ANKRD36B: variants seen among roughly 807,000 people sequenced by gnomAD.
ANKRD36B encodes the protein ankyrin repeat domain 36B.
ANKRD36B carries 37 observed loss-of-function variants against 135.7 expected under a neutral mutation model. That is an observed-to-expected ratio of 0.27 (90% CI 0.21 to 0.36). ANKRD36B has a LOEUF of 0.36. ANKRD36B is among the 10% of genes least tolerant of loss of function. The pLI, the probability that ANKRD36B is intolerant of heterozygous loss-of-function variation, is 1.00. For missense variants in ANKRD36B, 549 were observed against 1,037.1 expected (o/e 0.53, Z 6.46); for synonymous variants, 179 against 348.1 (o/e 0.51, Z 5.41).
Position 97,544,479 on chromosome 2 carries a change from C to G in ANKRD36B, c.1682-494G>C, listed in dbSNP as rs1367932467. 5.3e-5 allele frequency among the ~76,000 whole-genome samples: 5 copies of G among 95,162 alleles called. 2 individuals are homozygous for G. Among genetic ancestry groups the G allele is most frequent in the African/African-American group, 1.6e-4 (5 of 32,034 alleles). The allele number at this position is 95,162 out of a possible 152,430, so 62.4% of individuals were successfully genotyped here. A position where few individuals can be genotyped will look rare whatever the true frequency, so the allele number is the denominator to read the frequency against. The stretch of plus-strand genomic sequence containing the variant: ...ACACTTCAGTTGAACGTACACTTCA[C>G]GTCTCTTCAGTGGAAGTGTCCTAAA... On this transcript the variant is annotated intron_variant, in intron 24 of 43. Coordinates refer to ENST00000359901, the MANE Select transcript of ANKRD36B (RefSeq NM_001393939.1).
At chr2:97,573,362 C>T (rs1380402105) in intron 6 of ANKRD36B, among the ~76,000 whole-genome samples, 1 of 152,040 alleles carries the variant, frequency 6.6e-6, no homozygotes, top group Non-Finnish European at 1.5e-5. Flanking sequence ...TGAATAGCTA[C>T]AAACCACTGC....
intron 20 of ANKRD36B, among the ~76,000 whole-genome samples, chr2:97,547,992 T>C (rs1301222586): frequency 6.6e-6 from 1 of 151,764 alleles, no homozygotes; most frequent in African/African-American, 2.4e-5. Flanking sequence ...ACCGTGTCAA[T>C]ATCAACGTGG....
chr2:97,529,497 A>G lies in ANKRD36B; in HGVS notation c.2265+2814T>C, dbSNP rs2078437267. Among the ~76,000 whole-genome samples the G allele has an allele frequency of 5.3e-5, 5 of 93,848 alleles. 1 individual carries two copies. The South Asian group carries it at 1.2e-3, about 23-fold the overall frequency. The allele number at this position is 93,848 out of a possible 152,430, so 61.6% of individuals were successfully genotyped here. A position where few individuals can be genotyped will look rare whatever the true frequency, so the allele number is the denominator to read the frequency against. On this transcript the variant is annotated intron_variant, in intron 35 of 43. Transcript: ENST00000359901. Reference sequence around the variant, plus strand: ...CATTCCCTTTGAAAACTGGCACAAGACAGGGATGCCCTCTCTCACCACTCC... The same window carrying G: ...CATTCCCTTTGAAAACTGGCACAAGGCAGGGATGCCCTCTCTCACCACTCC...
At chr2:97,566,150 A>G (rs2081411280) in intron 6 of ANKRD36B, among the ~76,000 whole-genome samples, 1 of 99,060 alleles carries the variant, frequency 1.0e-5, no homozygotes, top group African/African-American at 3.0e-5. Flanking sequence ...CCCCATCTCA[A>G]CAAAAATACA....
intron 6 of ANKRD36B, among the ~76,000 whole-genome samples, chr2:97,563,199 T>C (rs1221085157): frequency 1.3e-5 from 2 of 151,926 alleles, no homozygotes; most frequent in Non-Finnish European, 2.9e-5. Flanking sequence ...CAGTCTCTCC[T>C]TGATGCACCA....
chr2:97,556,808 A>G, intron 12 of ANKRD36B, 129 bp downstream of exon 12: 1 of 1,426,098 alleles, frequency 7.0e-7, no homozygotes, highest in Non-Finnish European at 9.5e-7. Context: ...AACTTACTAG[A>G]AATGCACAAT....
chr2:97,573,941 G>C (rs1478001236), intron 6 of ANKRD36B, among the ~76,000 whole-genome samples: 1 of 152,146 alleles, frequency 6.6e-6, no homozygotes, highest in African/African-American at 2.4e-5. Context: ...AACCCTAAAA[G>C]AAAACCTAGG....
At chr2:97,573,488 C>T (rs1216711050) in intron 6 of ANKRD36B, among the ~76,000 whole-genome samples, 1 of 152,188 alleles carries the variant, frequency 6.6e-6, no homozygotes, top group African/African-American at 2.4e-5. Flanking sequence ...GATTCAATGC[C>T]ATCCCCATCA....
At chr2:97,543,505 T>G (rs1264410664) in intron 26 of ANKRD36B, among the ~76,000 whole-genome samples, 1 of 98,672 alleles carries the variant, frequency 1.0e-5, no homozygotes, top group African/African-American at 3.0e-5. Context: ...GCTGTAGAAT[T>G]AAAGCAAAAT....
chr2:97,565,032 C>G (rs1363141457), intron 6 of ANKRD36B, among the ~76,000 whole-genome samples: 1 of 133,190 alleles, frequency 7.5e-6, no homozygotes, highest in African/African-American at 2.7e-5. Context: ...ATTTGTTTGT[C>G]TCTTATTTCC....
chr2:97,508,310 C>CA (rs2077401142), intron 40 of ANKRD36B, among the ~76,000 whole-genome samples: 2 of 78,702 alleles, frequency 2.5e-5, no homozygotes, highest in South Asian at 5.7e-4. Flanking sequence ...AATTGCAGGG[C>CA]CGAGTTATTG....
chr2:97,556,211 T>C (rs1185468064), intron 12 of ANKRD36B, among the ~76,000 whole-genome samples: 1 of 151,934 alleles, frequency 6.6e-6, no homozygotes, highest in Non-Finnish European at 1.5e-5. Context: ...AATATAGTCA[T>C]ATTAAATTTT....
chr2:97,588,627 T>G (rs1211215753), intron 1 of ANKRD36B, among the ~76,000 whole-genome samples: 4 of 150,552 alleles, frequency 2.7e-5, no homozygotes, highest in Non-Finnish European at 5.9e-5. Flanking sequence ...ATTTGGATTA[T>G]GTAAAATTTA....
intron 6 of ANKRD36B, among the ~76,000 whole-genome samples, chr2:97,567,462 T>A (rs995008792): frequency 6.6e-6 from 1 of 151,902 alleles, no homozygotes; most frequent in African/African-American, 2.4e-5. Context: ...CCTGAAGCCA[T>A]CTGGAGGCTG....
At chr2:97,567,132 G>A (rs2081496923) in intron 6 of ANKRD36B, among the ~76,000 whole-genome samples, 1 of 151,874 alleles carries the variant, frequency 6.6e-6, no homozygotes, top group Non-Finnish European at 1.5e-5. Context: ...GAATATTAAA[G>A]GATACAGATA....
intron 3 of ANKRD36B, among the ~76,000 whole-genome samples, chr2:97,582,283 CAA>C (rs1338934547): frequency 6.6e-6 from 1 of 151,934 alleles, no homozygotes; most frequent in Non-Finnish European, 1.5e-5. Context: ...CATCTAAATT[CAA>C]AAGTTCAACC....
At position 97,553,343 on chromosome 2, in the gene ANKRD36B, C is replaced by G; in HGVS notation, c.1200G>C (p.Lys400Asn). Residue 400 changes from lysine (K) to asparagine (N), a missense_variant and splice_region_variant, in exon 15 of 44, where the codon AAG becomes AAC. Physicochemically the swap from Lys to Asn is moderately conservative, Grantham distance 94 (BLOSUM62 0). Transcript: ENST00000359901. ...TVSSQKQQAL[K>N]ATTDEEGSVS... ...ACAACATAAATGAGAGTTCAATTAC[C>G]TTCAAGGCTTGTTGTTTCTGAGAAG... 6.2e-7 allele frequency: 1 copy of G among 1,609,648 alleles called. No individual in the cohort carries two copies. The highest frequency in any genetic ancestry group is 1.7e-5 in the Admixed American group (1 of 59,832).
intron 14 of ANKRD36B, 47 bp downstream of exon 14, chr2:97,555,013 T>C: frequency 1.3e-6 from 2 of 1,598,262 alleles, no homozygotes; most frequent in Non-Finnish European, 1.7e-6. Context: ...GAGAAGTTCT[T>C]TTCTATCTGG....
chr2:97,588,132 GTT>G (rs1004308816), intron 1 of ANKRD36B, among the ~76,000 whole-genome samples: 1 of 151,242 alleles, frequency 6.6e-6, no homozygotes, highest in African/African-American at 2.4e-5. Flanking sequence ...AGGCATTTGT[GTT>G]TTTTTCTGTT....
Sources: gnomAD v4.1 joint callset for allele counts (sites outside exome capture counted in the v4.1 genomes callset) on GRCh38, gnomAD v4.1.1 for gene constraint, MANE v1.5 for transcripts, NCBI Gene and HGNC (gene_info 2026-07-23, HGNC 2026-07-21) for gene names.